The following PTPRG variants were observed in gnomAD, a reference collection of about 807,000 sequenced individuals.
PTPRG encodes protein tyrosine phosphatase receptor type G, also known as receptor-type tyrosine-protein phosphatase gamma.
PTPRG carries 102 observed loss-of-function variants against 165.3 expected under a neutral mutation model. The observed-to-expected ratio is 0.62, with a 90% CI of 0.53 to 0.73. PTPRG has a LOEUF of 0.73. Ranked by LOEUF, PTPRG falls within the 30% of genes least tolerant of loss-of-function variation. The pLI, the probability that PTPRG is intolerant of heterozygous loss-of-function variation, is 0.00. For synonymous variants in PTPRG, 675 were observed against 669.5 expected, an observed-to-expected ratio of 1.01 and a Z score of -0.13; for missense variants, 1,866 against 1,861.4, an observed-to-expected ratio of 1.00 and a Z score of -0.05.
intron 6 of PTPRG, among the ~76,000 whole-genome samples, chr3:62,144,941 T>G (rs1178909316): frequency 6.6e-6 from 1 of 152,104 alleles, no homozygotes; most frequent in Non-Finnish European, 1.5e-5. Flanking sequence ...TTTTATCGTT[T>G]GAACAGGATT....
intron 2 of PTPRG, among the ~76,000 whole-genome samples, chr3:61,950,441 A>G (rs928596682): frequency 3.9e-5 from 6 of 152,242 alleles, no homozygotes; most frequent in Admixed American, 3.9e-4. Context: ...TAGGTGTTCA[A>G]TGAAGTAAAT....
At chr3:61,810,271 G>A (rs2035535624) in intron 2 of PTPRG, among the ~76,000 whole-genome samples, 1 of 152,184 alleles carries the variant, frequency 6.6e-6, no homozygotes, top group Admixed American at 6.5e-5. Flanking sequence ...AATGAGTTTA[G>A]GGTGCAGGTA....
chr3:61,904,431 G>A (rs1179847338), intron 2 of PTPRG, among the ~76,000 whole-genome samples: 2 of 152,264 alleles, frequency 1.3e-5, no homozygotes, highest in East Asian at 3.9e-4. Context: ...TCTCCCTACA[G>A]GCCCAAGCAA....
intron 1 of PTPRG, among the ~76,000 whole-genome samples, chr3:61,690,620 A>G (rs894295614): frequency 6.6e-6 from 1 of 152,202 alleles, no homozygotes; most frequent in Non-Finnish European, 1.5e-5. Flanking sequence ...AGATTCGTCC[A>G]TCCTCCTTCT....
At chr3:61,759,708 T>C (rs1181044698) in intron 2 of PTPRG, among the ~76,000 whole-genome samples, 2 of 152,078 alleles carry the variant, frequency 1.3e-5, no homozygotes, top group East Asian at 1.9e-4. Flanking sequence ...TAGTATTCAT[T>C]GGCATTTTTA....
At chr3:62,200,364 G>A (rs1051013727) in intron 10 of PTPRG, among the ~76,000 whole-genome samples, 3 of 151,940 alleles carry the variant, frequency 2.0e-5, no homozygotes, top group Non-Finnish European at 4.4e-5. Flanking sequence ...TCCACCTCCC[G>A]GATTCAAGCG....
At chr3:61,614,894 T>C (rs898703132) in intron 1 of PTPRG, among the ~76,000 whole-genome samples, 2 of 152,236 alleles carry the variant, frequency 1.3e-5, no homozygotes, top group African/African-American at 4.8e-5. Context: ...ATGTGGCAGC[T>C]CCTTCTCTTG....
intron 6 of PTPRG, among the ~76,000 whole-genome samples, chr3:62,147,553 A>G (rs1439046531): frequency 6.6e-6 from 1 of 152,224 alleles, no homozygotes; most frequent in East Asian, 1.9e-4. Context: ...TCATTGTTTA[A>G]TTAGCAACAT....
intron 8 of PTPRG, among the ~76,000 whole-genome samples, chr3:62,173,534 G>A (rs1018963402): frequency 1.7e-4 from 26 of 152,312 alleles, no homozygotes; most frequent in African/African-American, 5.8e-4. Context: ...TAGGCTTGTT[G>A]TAAGATACAT....
At chr3:61,585,280 CAAAAAA>C (rs3039784) in intron 1 of PTPRG, among the ~76,000 whole-genome samples, 1 of 81,332 alleles carries the variant, frequency 1.2e-5, no homozygotes. Context: ...GACCCTGTCT[CAAAAAA>C]AAAAAAAAAA....
intron 5 of PTPRG, among the ~76,000 whole-genome samples, chr3:62,078,511 A>T (rs990580822): frequency 2.6e-5 from 4 of 152,198 alleles, no homozygotes; most frequent in African/African-American, 9.7e-5. Flanking sequence ...CACATTTATC[A>T]TCTAAGTTAC....
intron 2 of PTPRG, among the ~76,000 whole-genome samples, chr3:61,776,373 G>C (rs926138974): frequency 6.6e-6 from 1 of 152,116 alleles, no homozygotes; most frequent in Admixed American, 6.6e-5. Flanking sequence ...AAAAAAATTA[G>C]TTGTATCGCA....
chr3:61,810,199 C>G (rs928795162), intron 2 of PTPRG, among the ~76,000 whole-genome samples: 7 of 152,092 alleles, frequency 4.6e-5, no homozygotes, highest in Non-Finnish European at 1.0e-4. Flanking sequence ...ACGACTGGTA[C>G]AGAGAATAGA....
rs537506007 is a variant in PTPRG, at chr3:61,701,625, C to G, written c.86-47253C>G. Among the ~76,000 whole-genome samples the G allele has an allele frequency of 2.0e-4, 31 of 152,284 alleles. No homozygotes were observed. The South Asian group carries it at 2.1e-3, about 10-fold the overall frequency. ...GATAGAAATAATTGAAGGCTGGGCACAGTGGCTCACACCTGTGATCCCAGT... is the reference window on the plus strand; with the variant it reads ...GATAGAAATAATTGAAGGCTGGGCAGAGTGGCTCACACCTGTGATCCCAGT... On this transcript the variant is annotated intron_variant, in intron 1 of 29. Coordinates refer to ENST00000474889, the MANE Select transcript of PTPRG (RefSeq NM_002841.4).
intron 14 of PTPRG, among the ~76,000 whole-genome samples, chr3:62,234,832 A>G (rs1700987663): frequency 6.6e-6 from 1 of 151,798 alleles, no homozygotes; most frequent in South Asian, 2.1e-4. Flanking sequence ...AAGTCTCTCC[A>G]TTCTGAGGTT....
Position 62,258,996 on chromosome 3 carries a change from A to G in PTPRG, c.2559+3781A>G, listed in dbSNP as rs1021128624. Among the ~76,000 whole-genome samples, 4 of 152,330 alleles carry G rather than the reference A, an allele frequency of 2.6e-5. No homozygotes were observed. In the East Asian group the frequency reaches 7.7e-4, roughly 29 times the overall value. On this transcript the variant is annotated intron_variant, in intron 16 of 29. Transcript: ENST00000474889. ...GAATTAACAGGCAGGGACTGGTAGA[A>G]TCAGAAGTCTAAAAGAGTGCAGGAT...
intron 4 of PTPRG, among the ~76,000 whole-genome samples, chr3:62,073,730 C>T (rs751065995): frequency 6.6e-6 from 1 of 152,182 alleles, no homozygotes; most frequent in Admixed American, 6.5e-5. Flanking sequence ...ATCCATCCAC[C>T]TTGGCCTCAC....
At chr3:61,726,863 C>T (rs1448850173) in intron 1 of PTPRG, among the ~76,000 whole-genome samples, 1 of 152,072 alleles carries the variant, frequency 6.6e-6, no homozygotes, top group Non-Finnish European at 1.5e-5. Context: ...CTGGCTAACG[C>T]AGTGAAATCC....
At chr3:61,638,307 C>T (rs1701971120) in intron 1 of PTPRG, among the ~76,000 whole-genome samples, 1 of 151,360 alleles carries the variant, frequency 6.6e-6, no homozygotes, top group Admixed American at 6.6e-5. Flanking sequence ...AGCAGAATTT[C>T]AGGACCTTGC....
Sources: gnomAD v4.1 joint callset for allele counts (sites outside exome capture counted in the v4.1 genomes callset) on GRCh38, gnomAD v4.1.1 for gene constraint, MANE v1.5 for transcripts, NCBI Gene and HGNC (gene_info 2026-07-23, HGNC 2026-07-21) for gene names.